Variants in REV3L observed in about 807,000 individuals in gnomAD.
REV3L encodes REV3 like, DNA directed polymerase zeta catalytic subunit, also known as DNA polymerase zeta catalytic subunit.
In REV3L, 69 loss-of-function variants were observed where a neutral mutation model predicts 299.4. That is an observed-to-expected ratio of 0.23 (90% CI 0.19 to 0.28). The LOEUF is 0.28. REV3L is among the 10% of genes least tolerant of loss of function. The probability of loss-of-function intolerance (pLI) is 1.00; values close to 1 mark genes in which losing one functional copy is unlikely to be tolerated. For missense variants in REV3L, 3,128 were observed against 3,693.8 expected (o/e 0.85, Z 3.97); for synonymous variants, 1,238 against 1,271.4 (o/e 0.97, Z 0.56).
intron 1 of REV3L, among the ~76,000 whole-genome samples, chr6:111,419,949 G>C (rs1050709190): frequency 6.6e-6 from 1 of 151,772 alleles, no homozygotes; most frequent in African/African-American, 2.4e-5. Flanking sequence ...GGCTCACGCC[G>C]TTCTCCTGCC....
intron 21 of REV3L, among the ~76,000 whole-genome samples, chr6:111,336,835 T>G (rs974907146): frequency 3.3e-5 from 5 of 152,172 alleles, no homozygotes; most frequent in African/African-American, 1.2e-4. Flanking sequence ...ACAGTATTAT[T>G]CAGCAATAAA....
intron 12 of REV3L, among the ~76,000 whole-genome samples, chr6:111,377,325 A>G (rs939728755): frequency 8.3e-5 from 11 of 132,644 alleles, no homozygotes; most frequent in African/African-American, 2.7e-4. Context: ...AAGTTTCAAA[A>G]TCATATTTAT....
chr6:111,430,025 G>A (rs1786696155), intron 1 of REV3L, among the ~76,000 whole-genome samples: 1 of 152,052 alleles, frequency 6.6e-6, no homozygotes, highest in South Asian at 2.1e-4. Context: ...AAAAGAGAAA[G>A]AAAGGAGACA....
intron 17 of REV3L, among the ~76,000 whole-genome samples, chr6:111,357,337 TCAAATTTTGTATTTTCAGC>T (rs1217304400): frequency 6.6e-6 from 1 of 152,158 alleles, no homozygotes; most frequent in East Asian, 1.9e-4. Flanking sequence ...AACTGAAAAT[TCAAATTTTGTATTTTCAGC>T]TATTCTCCTG....
At chr6:111,467,393 CTG>C (rs1791635165) in intron 1 of REV3L, among the ~76,000 whole-genome samples, 2 of 152,150 alleles carry the variant, frequency 1.3e-5, no homozygotes, top group South Asian at 4.1e-4. Context: ...AGTCTACATT[CTG>C]TGTGTTTTTC....
rs560709037 is a variant in REV3L at position 111,369,204 on chromosome 6, C to T, written c.5760-1176G>A. On this transcript the variant is annotated intron_variant, in intron 13 of 31. Coordinates refer to ENST00000368802, the MANE Select transcript of REV3L (RefSeq NM_001372078.1). The stretch of plus-strand genomic sequence containing the variant: ...GGCTGAGGCAGGAGAATGGCGTGAA[C>T]CAGGGAGGCGGACCTTGCAGTGAGC... Among the ~76,000 whole-genome samples the T allele has an allele frequency of 3.4e-5, 5 of 148,328 alleles. No homozygotes were observed. In the Middle Eastern group the frequency reaches 0.011, roughly 325 times the overall value.
intron 9 of REV3L, among the ~76,000 whole-genome samples, chr6:111,383,442 A>G (rs907616337): frequency 6.6e-6 from 1 of 152,218 alleles, no homozygotes; most frequent in African/African-American, 2.4e-5. Flanking sequence ...ACATATGAAA[A>G]TCAGTAGCAT....
At chr6:111,383,868 G>A (rs1243170551) in intron 9 of REV3L, among the ~76,000 whole-genome samples, 1 of 152,098 alleles carries the variant, frequency 6.6e-6, no homozygotes, top group Non-Finnish European at 1.5e-5. Flanking sequence ...ATACTACAGA[G>A]CTATAGTAAT....
chr6:111,394,091 A>G (rs1782221515), intron 4 of REV3L, among the ~76,000 whole-genome samples: 1 of 152,198 alleles, frequency 6.6e-6, no homozygotes, highest in Non-Finnish European at 1.5e-5. Context: ...TGCAATAAAC[A>G]TGGGGGTGTA....
intron 7 of REV3L, among the ~76,000 whole-genome samples, chr6:111,388,381 TC>T (rs1781554252): frequency 6.6e-6 from 1 of 152,056 alleles, no homozygotes; most frequent in Non-Finnish European, 1.5e-5. Flanking sequence ...GCTAAAAATT[TC>T]CCCTCATAAA....
rs550757751 is a variant in REV3L at position 111,335,575 on chromosome 6, C to T, written c.7574G>A (p.Arg2525His). The T allele has an allele frequency of 1.9e-5, 30 of 1,610,980 alleles. No individual in the cohort carries two copies. The highest frequency in any genetic ancestry group is 3.4e-5 in the Admixed American group (2 of 59,656). Residue 2525 changes from arginine (R) to histidine (H), a missense_variant, in exon 22 of 32, where the codon CGT becomes CAT. Arg to His is a conservative substitution (Grantham distance 29). Around this residue, in one of 9 missense-constraint regions of REV3L, gnomAD observed 149 missense variants for 286.4 expected, o/e 0.52. Coordinates refer to ENST00000368802, the MANE Select transcript of REV3L (RefSeq NM_001372078.1). Reference sequence around the variant, plus strand: ...CTGTTCTAACATTTGGAGATTTCCACGGACACGGCTAACATAATGATCAAC... The same window carrying T: ...CTGTTCTAACATTTGGAGATTTCCATGGACACGGCTAACATAATGATCAAC... ...KMVDHYVSRV[R>H]GNLQMLEQLD...
At chr6:111,311,868 C>G (rs1462735381) in intron 28 of REV3L, 4 of 150,528 alleles carry the variant, frequency 2.7e-5, no homozygotes, top group African/African-American at 7.4e-5. Flanking sequence ...AGTGCAATGG[C>G]GTGATCTCGG....
intron 25 of REV3L, among the ~76,000 whole-genome samples, chr6:111,328,802 G>A (rs1165925397): frequency 6.6e-6 from 1 of 152,096 alleles, no homozygotes; most frequent in African/African-American, 2.4e-5. Context: ...GTCTCGTTCT[G>A]TTACCCAGGG....
chr6:111,300,996 A>G (rs998243738), intron 31 of REV3L, among the ~76,000 whole-genome samples: 3 of 152,364 alleles, frequency 2.0e-5, no homozygotes, highest in African/African-American at 7.2e-5. Flanking sequence ...TCTTTCAGAA[A>G]GCGAATAGGA....
chr6:111,372,887 G>C lies in REV3L; in HGVS notation c.5468C>G (p.Ser1823Cys). The change falls in exon 13 of 32, where the codon TCC (serine) becomes TGC (cysteine). Residue 1823 changes from serine to cysteine, a missense_variant. Ser to Cys is a moderately radical substitution (Grantham distance 112). Coordinates refer to ENST00000368802, the MANE Select transcript of REV3L (RefSeq NM_001372078.1). ...GTCTACAAGTTCACCATCAGGGGAG[G>C]AGAGTATTGCAGTAAAAGAGGTATT... ...SANTSFTAIL[S>C]SPDGELVDVA... 2 of 1,614,092 alleles carry C rather than the reference G, an allele frequency of 1.2e-6. No homozygotes were observed. Among genetic ancestry groups the C allele is most frequent in the Non-Finnish European group, 1.7e-6 (2 of 1,180,012 alleles).
At position 111,374,999 on chromosome 6, in the gene REV3L, C is replaced by T. The variant is rs1169300199; in HGVS notation, c.3356G>A (p.Ser1119Asn). 3 of 1,613,100 alleles carry T rather than the reference C, an allele frequency of 1.9e-6. No individual in the cohort carries two copies. The highest frequency in any genetic ancestry group is 2.2e-5 in the South Asian group (2 of 90,704). Residue 1119 changes from serine (S) to asparagine (N), a missense_variant, in exon 13 of 32, where the codon AGT (serine) becomes AAT (asparagine). Transcript: ENST00000368802. ...KLGFLSERST[S>N]PINSSPPRCW... The stretch of plus-strand genomic sequence containing the variant: ...GCGAGGTGGAGAAGAATTTATGGGA[C>T]TTGTGCTTCTCTCAGAAAGAAAACC...
chr6:111,322,773 C>A, intron 25 of REV3L, 95 bp from the exon 26 acceptor site: 4 of 849,206 alleles, frequency 4.7e-6, no homozygotes, highest in South Asian at 3.7e-5. Flanking sequence ...CTAAATATTT[C>A]CAGAAATGAA....
chr6:111,419,511 A>G (rs928863236), intron 1 of REV3L, among the ~76,000 whole-genome samples: 1 of 152,234 alleles, frequency 6.6e-6, no homozygotes, highest in African/African-American at 2.4e-5. Flanking sequence ...GTGTGGAGAT[A>G]CAGAGCTGTA....
chr6:111,324,954 CGG>C (rs1774597860), intron 25 of REV3L, among the ~76,000 whole-genome samples: 1 of 151,568 alleles, frequency 6.6e-6, no homozygotes, highest in Admixed American at 6.6e-5. Context: ...CTCTACCTCC[CGG>C]GTTCACGCCA....
Sources: gnomAD v4.1 joint callset for allele counts (sites outside exome capture counted in the v4.1 genomes callset) on GRCh38, gnomAD v4.1.1 for gene constraint, gnomAD v4.1.1 regional missense constraint, MANE v1.5 for transcripts, NCBI Gene and HGNC (gene_info 2026-07-23, HGNC 2026-07-21) for gene names.